Variants in MNS1 observed in about 807,000 individuals in gnomAD.
The protein encoded by MNS1 is meiosis specific nuclear structural 1.
In MNS1, 63 loss-of-function variants were observed where a neutral mutation model predicts 72.0. The ratio of observed to expected loss-of-function variants is 0.87; its 90% CI spans 0.71 to 1.08. The LOEUF (loss-of-function observed/expected upper bound fraction) is 1.08, where lower values mean the gene tolerates loss of function less well. MNS1 is among the 50% of genes least tolerant of loss of function. The pLI is 0.00. For synonymous variants in MNS1, 188 were observed against 172.1 expected (o/e 1.09, Z -0.72); for missense variants, 604 against 562.4 (o/e 1.07, Z -0.75).
chr15:56,445,218 A>T (rs1231869898), intron 4 of MNS1, among the ~76,000 whole-genome samples: 1 of 152,058 alleles, frequency 6.6e-6, no homozygotes, highest in African/African-American at 2.4e-5. Flanking sequence ...TTATCTGAAA[A>T]GAATCACAGA....
At chr15:56,455,671 C>G (rs568860477) in intron 3 of MNS1, among the ~76,000 whole-genome samples, 1 of 152,274 alleles carries the variant, frequency 6.6e-6, no homozygotes, top group South Asian at 2.1e-4. Context: ...TAGGCAGGAT[C>G]AAGAAACATT....
chr15:56,437,716 C>G (rs1351256190), intron 7 of MNS1, among the ~76,000 whole-genome samples: 8 of 152,090 alleles, frequency 5.3e-5, no homozygotes, highest in African/African-American at 1.9e-4. Flanking sequence ...TTTAGAAAAC[C>G]CCATTGTCTC....
In MNS1 at chr15:56,446,943, G is replaced by T; in HGVS notation, c.354C>A (p.Ser118Arg). The change falls in exon 4 of 10, where the codon AGC becomes AGA. Residue 118 changes from serine to arginine, a missense_variant and splice_region_variant. Coordinates refer to ENST00000260453, the MANE Select transcript of MNS1 (RefSeq NM_018365.4). ...EKMRQQVREN[S>R]IELRELEKKL... is the part of the protein sequence containing the mutation. ...TCTTCTCCAATTCTCTAAGCTCAAT[G>T]CTGTTTAAAAAAACAAAAACAAATT... 6.2e-7 allele frequency: 1 copy of T among 1,602,780 alleles called. No individual in the cohort carries two copies. Among genetic ancestry groups the T allele is most frequent in the Non-Finnish European group, 8.5e-7 (1 of 1,175,778 alleles).
At chr15:56,453,863 T>A (rs2140373119) in intron 3 of MNS1, among the ~76,000 whole-genome samples, 1 of 152,306 alleles carries the variant, frequency 6.6e-6, no homozygotes, top group African/African-American at 2.4e-5. Context: ...AATGATTTTT[T>A]AAATGTGCCG....
chr15:56,456,845 A>C (rs2050984669), intron 2 of MNS1, among the ~76,000 whole-genome samples: 2 of 152,072 alleles, frequency 1.3e-5, no homozygotes, highest in South Asian at 4.1e-4. Context: ...TTTTTCTGCT[A>C]GGGTGTTTTA....
At chr15:56,436,797 T>TACAA (rs1350497949) in intron 7 of MNS1, among the ~76,000 whole-genome samples, 31 of 149,346 alleles carry the variant, frequency 2.1e-4, no homozygotes, top group Admixed American at 6.0e-4. Flanking sequence ...CCAACGGAAA[T>TACAA]ACTACCATCA....
At chr15:56,434,664 G>A (rs1185272415) in intron 7 of MNS1, among the ~76,000 whole-genome samples, 1 of 152,064 alleles carries the variant, frequency 6.6e-6, no homozygotes, top group Admixed American at 6.6e-5. Context: ...ACACGTAACT[G>A]CTTTGGAAAG....
chr15:56,439,751 TAAAA>T (rs374476223), intron 7 of MNS1, among the ~76,000 whole-genome samples: 3 of 82,538 alleles, frequency 3.6e-5, no homozygotes, highest in African/African-American at 8.4e-5. Flanking sequence ...TGGAAAAGCA[TAAAA>T]AAAAAAAACC....
At chr15:56,432,690 T>G (rs1478618434) in intron 8 of MNS1, among the ~76,000 whole-genome samples, 1 of 152,190 alleles carries the variant, frequency 6.6e-6, no homozygotes, top group Non-Finnish European at 1.5e-5. Flanking sequence ...TTAGTTGTCT[T>G]GCTAACTTTT....
chr15:56,462,418 A>G (rs550721425), intron 2 of MNS1, among the ~76,000 whole-genome samples: 1 of 152,294 alleles, frequency 6.6e-6, no homozygotes, highest in Non-Finnish European at 1.5e-5. Context: ...AATGACAAAG[A>G]CAGCATCACC....
At position 56,446,333 on chromosome 15, in the gene MNS1, C is replaced by G. The variant is rs149696936; in HGVS notation, c.456+508G>C. ...CAGCAAAGCACTCCTAGTGAGTATG[C>G]CTGAGATTCCTTTGCCCAAGAGTAA... is the stretch of plus-strand genomic sequence containing the variant. On this transcript the variant is annotated intron_variant, in intron 4 of 9. Coordinates refer to ENST00000260453, the MANE Select transcript of MNS1 (RefSeq NM_018365.4). Among the ~76,000 whole-genome samples, 272 of 152,050 alleles carry G rather than the reference C, an allele frequency of 1.8e-3. 2 individuals carry two copies. The highest frequency in any genetic ancestry group is 6.1e-3 in the African/African-American group (252 of 41,504).
chr15:56,446,608 G>C (rs552214874), intron 4 of MNS1, among the ~76,000 whole-genome samples: 19 of 151,984 alleles, frequency 1.3e-4, no homozygotes, highest in African/African-American at 4.6e-4. Flanking sequence ...AAGAATGCTG[G>C]GAGTTACTGA....
At chr15:56,442,227 A>C (rs1372584637) in intron 7 of MNS1, among the ~76,000 whole-genome samples, 3 of 152,054 alleles carry the variant, frequency 2.0e-5, no homozygotes, top group East Asian at 1.9e-4. Context: ...GTCACAAAAG[A>C]ATGGATGCTG....
At chr15:56,432,267 T>G (rs766378744) in intron 8 of MNS1, among the ~76,000 whole-genome samples, 1 of 152,182 alleles carries the variant, frequency 6.6e-6, no homozygotes, top group Admixed American at 6.5e-5. Context: ...AAGAAAAATT[T>G]ATAGTAAATT....
chr15:56,463,272 A>G (rs753675676), intron 2 of MNS1, among the ~76,000 whole-genome samples: 3 of 152,126 alleles, frequency 2.0e-5, no homozygotes, highest in Admixed American at 6.5e-5. Context: ...GGCACCCCTA[A>G]ATTTTTGTTT....
chr15:56,443,980 T>C, intron 5 of MNS1, 126 bp from the exon 6 acceptor site: 3 of 741,044 alleles, frequency 4.0e-6, no homozygotes, highest in Non-Finnish European at 6.2e-6. Flanking sequence ...AACAAACATT[T>C]TGAATGCTTA....
intron 2 of MNS1, among the ~76,000 whole-genome samples, chr15:56,461,696 A>G (rs1360655459): frequency 6.6e-6 from 1 of 151,104 alleles, no homozygotes; most frequent in Non-Finnish European, 1.5e-5. Context: ...CACAGAGGCA[A>G]TATAAAAGGG....
chr15:56,460,833 A>C (rs756421921), intron 2 of MNS1, among the ~76,000 whole-genome samples: 9 of 152,198 alleles, frequency 5.9e-5, no homozygotes, highest in Non-Finnish European at 1.0e-4. Flanking sequence ...GTAGGACAAA[A>C]AATATAAGAG....
chr15:56,456,918 C>T (rs795780), intron 2 of MNS1, among the ~76,000 whole-genome samples: 1,639 of 152,176 alleles, frequency 0.011, 27 homozygotes, highest in African/African-American at 0.038. Flanking sequence ...TCTACCTGAT[C>T]AGAATTTTTA....
Sources: gnomAD v4.1 joint callset for allele counts (sites outside exome capture counted in the v4.1 genomes callset) on GRCh38, gnomAD v4.1.1 for gene constraint, MANE v1.5 for transcripts, NCBI Gene and HGNC (gene_info 2026-07-23, HGNC 2026-07-21) for gene names.